The following FTCDNL1 variants were observed in gnomAD, a reference collection of about 807,000 sequenced individuals.
FTCDNL1 encodes formiminotransferase N-terminal subdomain-containing protein.
FTCDNL1 carries 11 observed loss-of-function variants against 5.9 expected under a neutral mutation model. That is an observed-to-expected ratio of 1.87 (90% confidence interval 1.18 to 3.10). The LOEUF (loss-of-function observed/expected upper bound fraction) is 3.10, where lower values mean the gene tolerates loss of function less well. Ranked by LOEUF, FTCDNL1 falls within the 30% of genes most tolerant of loss-of-function variation. The probability of loss-of-function intolerance (pLI) is 0.00; values close to 1 mark genes in which losing one functional copy is unlikely to be tolerated. For synonymous variants in FTCDNL1, 58 were observed against 24.8 expected, an observed-to-expected ratio of 2.34 and a Z score of -3.99; for missense variants, 115 against 65.5, an observed-to-expected ratio of 1.76 and a Z score of -2.61.
At chr2:199,841,120 C>T (rs1224904286) in intron 3 of FTCDNL1, among the ~76,000 whole-genome samples, 1 of 151,730 alleles carries the variant, frequency 6.6e-6, no homozygotes, top group East Asian at 1.9e-4. Context: ...CACTGCACTC[C>T]AGCCTGGCCA....
chr2:199,664,829 A>G, the FTCDNL1 span, among the ~76,000 whole-genome samples: 1 of 152,228 alleles, frequency 6.6e-6, no homozygotes, highest in African/African-American at 2.4e-5. Flanking sequence ...TCAGCATAAT[A>G]CTAGATTATG....
chr2:199,813,571 G>T (rs1701161175), intron 4 of FTCDNL1, among the ~76,000 whole-genome samples: 1 of 152,080 alleles, frequency 6.6e-6, no homozygotes, highest in Non-Finnish European at 1.5e-5. Flanking sequence ...CTGCATTACA[G>T]TTTGAATAAA....
the FTCDNL1 span, among the ~76,000 whole-genome samples, chr2:199,723,320 C>A: frequency 1.3e-5 from 2 of 152,248 alleles, no homozygotes; most frequent in Middle Eastern, 3.4e-3. Context: ...AGGATCATGT[C>A]ATCTGCAAAC....
chr2:199,791,833 C>T (rs961142087), intron 3 of FTCDNL1, among the ~76,000 whole-genome samples: 4 of 151,938 alleles, frequency 2.6e-5, no homozygotes, highest in Non-Finnish European at 4.4e-5. Context: ...TAATGTGCCC[C>T]ATTCAAATAT....
chr2:199,774,859 G>A (rs936079878), intron 3 of FTCDNL1, among the ~76,000 whole-genome samples: 1 of 152,104 alleles, frequency 6.6e-6, no homozygotes, highest in Non-Finnish European at 1.5e-5. Flanking sequence ...ACTGATTACT[G>A]ACTCAAAGTC....
At chr2:199,765,992 C>G (rs1004498057) in intron 3 of FTCDNL1, among the ~76,000 whole-genome samples, 4 of 152,126 alleles carry the variant, frequency 2.6e-5, no homozygotes, top group Admixed American at 2.0e-4. Context: ...ACACCTCACT[C>G]TTAGTGGCAA....
chr2:199,830,723 C>A (rs995348710), intron 3 of FTCDNL1, among the ~76,000 whole-genome samples: 2 of 152,118 alleles, frequency 1.3e-5, no homozygotes, highest in Admixed American at 6.6e-5. Context: ...ATTCCTCCCC[C>A]ACATGGCTAG....
the FTCDNL1 span, among the ~76,000 whole-genome samples, chr2:199,682,818 T>G: frequency 1.3e-5 from 2 of 152,246 alleles, no homozygotes; most frequent in Admixed American, 1.3e-4. Context: ...TTTCTCATTA[T>G]CCTGTGCAGA....
chr2:199,850,420 A>G (rs1484243956), intron 1 of FTCDNL1, among the ~76,000 whole-genome samples: 2 of 152,240 alleles, frequency 1.3e-5, no homozygotes, highest in Non-Finnish European at 2.9e-5. Flanking sequence ...AACAGTGCAA[A>G]AGAAAGGATT....
chr2:199,732,592 A>C, the FTCDNL1 span, among the ~76,000 whole-genome samples: 4 of 152,148 alleles, frequency 2.6e-5, no homozygotes, highest in Admixed American at 2.6e-4. Flanking sequence ...ATGGGTATTG[A>C]CATAAAAAGA....
intron 3 of FTCDNL1, among the ~76,000 whole-genome samples, chr2:199,775,199 A>G (rs1698998565): frequency 6.6e-6 from 1 of 152,206 alleles, no homozygotes. Context: ...ATTAGATTCT[A>G]AGCCTGCAAC....
the FTCDNL1 span, among the ~76,000 whole-genome samples, chr2:199,701,757 G>A: frequency 2.0e-5 from 3 of 152,188 alleles, no homozygotes; most frequent in African/African-American, 7.2e-5. Flanking sequence ...GCTAGGCTGA[G>A]CTAGGCTGAG....
downstream of FTCDNL1, among the ~76,000 whole-genome samples, chr2:199,807,057 G>A (rs1700764457): frequency 6.6e-6 from 1 of 152,190 alleles, no homozygotes; most frequent in South Asian, 2.1e-4. Flanking sequence ...CTGCTTCTAA[G>A]AGGCCAATCT....
At chr2:199,720,661 G>A in the FTCDNL1 span, among the ~76,000 whole-genome samples, 1 of 152,098 alleles carries the variant, frequency 6.6e-6, no homozygotes, top group African/African-American at 2.4e-5. Flanking sequence ...TTTTATATAA[G>A]GACACTTGCC....
intron 3 of FTCDNL1, among the ~76,000 whole-genome samples, chr2:199,834,445 G>A (rs1315406690): frequency 2.0e-5 from 3 of 152,152 alleles, no homozygotes; most frequent in African/African-American, 7.2e-5. Flanking sequence ...GAAACTGGAT[G>A]TGCACAGGCC....
chr2:199,718,068 T>A, the FTCDNL1 span, among the ~76,000 whole-genome samples: 560 of 151,902 alleles, frequency 3.7e-3, 3 homozygotes, highest in African/African-American at 0.013. Context: ...GTTTTAAAAA[T>A]TTTTTTATTT....
intron 3 of FTCDNL1, among the ~76,000 whole-genome samples, chr2:199,796,897 T>C (rs895669781): frequency 6.6e-6 from 1 of 152,210 alleles, no homozygotes; most frequent in East Asian, 1.9e-4. Flanking sequence ...TGTAGGACTA[T>C]ACGCCTTAAG....
At chr2:199,772,424 A>C (rs1698859290) in intron 3 of FTCDNL1, among the ~76,000 whole-genome samples, 1 of 152,146 alleles carries the variant, frequency 6.6e-6, no homozygotes, top group African/African-American at 2.4e-5. Flanking sequence ...CTGGGCACTT[A>C]ACTCTAGTTT....
chr2:199,836,379 C>A (rs898806741), intron 3 of FTCDNL1, among the ~76,000 whole-genome samples: 3 of 151,970 alleles, frequency 2.0e-5, no homozygotes, highest in Non-Finnish European at 2.9e-5. Context: ...CCTATGTTGC[C>A]CAGGCTGGTC....
Sources: gnomAD v4.1 joint callset for allele counts (sites outside exome capture counted in the v4.1 genomes callset) on GRCh38, gnomAD v4.1.1 for gene constraint, MANE v1.5 for transcripts, NCBI Gene and HGNC (gene_info 2026-07-23, HGNC 2026-07-21) for gene names.